YME1L1: variants seen among roughly 807,000 people sequenced by gnomAD.
YME1L1 encodes the protein ATP-dependent zinc metalloprotease YME1L1.
In YME1L1, 39 loss-of-function variants were observed where a neutral mutation model predicts 90.4. The ratio of observed to expected loss-of-function variants is 0.43; its 90% CI spans 0.33 to 0.56. YME1L1 has a LOEUF of 0.56. YME1L1 is among the 20% of genes least tolerant of loss of function. The pLI is 0.03. For synonymous variants in YME1L1, 284 were observed against 287.3 expected, an observed-to-expected ratio of 0.99 and a Z score of 0.12; for missense variants, 617 against 868.4, an observed-to-expected ratio of 0.71 and a Z score of 3.64.
rs1267794476 is a variant in YME1L1, at chr10:27,125,630, T to C, written c.949+1066A>G. Reference sequence around the variant, plus strand: ...ATTTGATAATGGTTTTGTATGTATGTTAAATGTCCTATTTTTTTTTTTTTT... The same window carrying C: ...ATTTGATAATGGTTTTGTATGTATGCTAAATGTCCTATTTTTTTTTTTTTT... On this transcript the variant is annotated intron_variant, in intron 9 of 18. Coordinates refer to ENST00000376016, the MANE Select transcript of YME1L1 (RefSeq NM_014263.4). Among the ~76,000 whole-genome samples the C allele has an allele frequency of 3.4e-5, 5 of 149,168 alleles. No individual in the cohort carries two copies. The East Asian group carries it at 1.0e-3, about 30-fold the overall frequency.
rs1228308297 is a variant in YME1L1 at position 27,148,917 on chromosome 10, G to A, written c.157C>T (p.Pro53Ser). 2 of 1,613,854 alleles carry A rather than the reference G, an allele frequency of 1.2e-6. No homozygotes were observed. The highest frequency in any genetic ancestry group is 3.3e-5 in the Admixed American group (2 of 59,976). The part of the protein sequence containing the change: ...HRDVVPEHEA[P>S]SSEPSLNLRD... ...GGATAAAGACTTACCTCACTGCTGG[G>A]AGCCTCATGCTCAGGAACTACATCT... Residue 53 changes from proline (P) to serine (S), a missense_variant, in exon 2 of 19, where the codon CCC becomes TCC. Coordinates refer to ENST00000376016, the MANE Select transcript of YME1L1 (RefSeq NM_014263.4).
At chr10:27,153,219 T>A (rs961509091) in intron 1 of YME1L1, 1 of 470,928 alleles carries the variant, frequency 2.1e-6, no homozygotes, top group Non-Finnish European at 4.4e-6. Flanking sequence ...CACATTTGCT[T>A]TGCTCACCTG....
At chr10:27,128,592 A>T (rs942710164) in intron 8 of YME1L1, among the ~76,000 whole-genome samples, 1 of 151,682 alleles carries the variant, frequency 6.6e-6, no homozygotes, top group Non-Finnish European at 1.5e-5. Flanking sequence ...CCACCCCCCA[A>T]AAAAAAGAAG....
chr10:27,128,395 C>T (rs1488230536), intron 8 of YME1L1, among the ~76,000 whole-genome samples: 1 of 152,154 alleles, frequency 6.6e-6, no homozygotes, highest in African/African-American at 2.4e-5. Flanking sequence ...TGTCTACTTT[C>T]ACTATGCTTA....
At chr10:27,135,161 T>C (rs2057014893) in intron 5 of YME1L1, among the ~76,000 whole-genome samples, 180 bp from the exon 6 acceptor site, 1 of 152,216 alleles carries the variant, frequency 6.6e-6, no homozygotes, top group Admixed American at 6.5e-5. Flanking sequence ...CTAGATCCCA[T>C]TCCTGCATCA....
chr10:27,136,506 T>C, intron 4 of YME1L1, 121 bp from the exon 5 acceptor site: 3 of 771,242 alleles, frequency 3.9e-6, no homozygotes, highest in South Asian at 1.8e-5. Context: ...GCCTGACACT[T>C]CAATACGTTT....
chr10:27,126,895 C>T (rs935737126), intron 8 of YME1L1, 109 bp from the exon 9 acceptor site: 2 of 633,088 alleles, frequency 3.2e-6, no homozygotes, highest in East Asian at 3.3e-5. Flanking sequence ...TGGAATTAAC[C>T]TGACCTTCTC....
intron 1 of YME1L1, among the ~76,000 whole-genome samples, chr10:27,150,589 G>A (rs1374670943): frequency 2.0e-5 from 3 of 152,152 alleles, no homozygotes; most frequent in Non-Finnish European, 4.4e-5. Context: ...AGAGGAGAGT[G>A]ACTTCTGCTA....
chr10:27,136,480 C>G, intron 4 of YME1L1, 95 bp from the exon 5 acceptor site: 1 of 957,552 alleles, frequency 1.0e-6, no homozygotes, highest in Non-Finnish European at 1.6e-6. Flanking sequence ...CCTGTATATC[C>G]TAGTCTATCT....
At chr10:27,125,474 A>AAAAC (rs1173832402) in intron 9 of YME1L1, among the ~76,000 whole-genome samples, 3 of 151,100 alleles carry the variant, frequency 2.0e-5, no homozygotes, top group Non-Finnish European at 4.4e-5. Context: ...AAAAAAAAAA[A>AAAAC]AAACAATAAA....
intron 12 of YME1L1, among the ~76,000 whole-genome samples, chr10:27,120,891 C>CTAGA (rs1183383535): frequency 1.3e-5 from 2 of 152,116 alleles, no homozygotes; most frequent in Non-Finnish European, 2.9e-5. Context: ...GAATGTTAGA[C>CTAGA]TAGAGTCTTA....
At chr10:27,125,028 T>C (rs1397314541) in intron 9 of YME1L1, among the ~76,000 whole-genome samples, 1 of 152,214 alleles carries the variant, frequency 6.6e-6, no homozygotes, top group African/African-American at 2.4e-5. Context: ...CAAAGGTTAC[T>C]GCAAATAATT....
chr10:27,150,199 GA>G (rs888707586), intron 1 of YME1L1, among the ~76,000 whole-genome samples: 42 of 147,506 alleles, frequency 2.8e-4, no homozygotes, highest in East Asian at 1.4e-3. Context: ...CCTGTCTCAA[GA>G]AAAAAAAAAA....
Position 27,121,230 on chromosome 10 carries a change from C to A in YME1L1, c.1298+156G>T, listed in dbSNP as rs146960985. Reference sequence around the variant, plus strand: ...CCCCATTCTCCCTAACCTCTGGTAACCGCTAACCCAATTTGTCTCTGTGAA... The same window carrying A: ...CCCCATTCTCCCTAACCTCTGGTAAACGCTAACCCAATTTGTCTCTGTGAA... On this transcript the variant is annotated intron_variant, in intron 12 of 18. Transcript: ENST00000376016. 1.4e-3 allele frequency among the ~76,000 whole-genome samples: 219 copies of A among 152,306 alleles called. 1 individual carries two copies. Among genetic ancestry groups the A allele is most frequent in the African/African-American group, 5.1e-3 (211 of 41,578 alleles).
intron 14 of YME1L1, among the ~76,000 whole-genome samples, chr10:27,118,387 T>C (rs999836241): frequency 5.3e-5 from 8 of 151,526 alleles, no homozygotes; most frequent in African/African-American, 2.0e-4. Context: ...ACTTAAGTAA[T>C]CCTCCCACCT....
At position 27,142,473 on chromosome 10, in the gene YME1L1, A is replaced by G; in HGVS notation, c.344T>C (p.Ile115Thr). 6.9e-7 allele frequency: 1 copy of G among 1,453,476 alleles called. No individual in the cohort carries two copies. 90.0% of individuals were successfully genotyped at this position (1,453,476 alleles called of 1,614,324 possible). ...GCAAGAGGAACGTAATGTACTAAAT[A>G]TATCTAAGTTACCTGGAGGGAAATT... Reference protein sequence around the residue: ...FFENKYGNLDIFSTLRSSCLY... With the variant: ...FFENKYGNLDTFSTLRSSCLY... The change falls in exon 4 of 19, where the codon ATA becomes ACA. Residue 115 changes from isoleucine (I) to threonine (T), a missense_variant. By Grantham distance (89) the Ile-to-Thr change is moderately conservative. This residue lies in a region of YME1L1 where 311 missense variants were observed against 335.8 expected (regional missense o/e 0.93). Coordinates refer to ENST00000376016, the MANE Select transcript of YME1L1 (RefSeq NM_014263.4).
chr10:27,145,314 C>G lies in YME1L1; in HGVS notation c.331+114G>C, dbSNP rs1430407090. ...CAAAAAAAAAAACAAAAAAAAAACA[C>G]TTCAGGAAAGAACCCAGCCCACAAT... On this transcript the variant is annotated intron_variant, in intron 3 of 18. Transcript: ENST00000376016. 4 of 720,216 alleles carry G rather than the reference C, an allele frequency of 5.6e-6. No individual in the cohort carries two copies. The East Asian group carries it at 1.6e-4, about 28-fold the overall frequency. The allele number at this position is 720,216 out of a possible 1,614,324, so 44.6% of individuals were successfully genotyped here.
chr10:27,113,251 A>T (rs888182245), intron 18 of YME1L1, among the ~76,000 whole-genome samples: 21 of 96,996 alleles, frequency 2.2e-4, no homozygotes, highest in East Asian at 1.6e-3. Flanking sequence ...AAAAAAAAAA[A>T]AAAAAAAAAA....
chr10:27,112,715 CTATTT>C (rs1554802874), intron 18 of YME1L1, among the ~76,000 whole-genome samples: 4 of 151,926 alleles, frequency 2.6e-5, no homozygotes, highest in Non-Finnish European at 5.9e-5. Context: ...CTCTCTCTCT[CTATTT>C]TTTTTTCAGT....
Sources: allele counts gnomAD v4.1 joint callset (sites outside exome capture counted in the v4.1 genomes callset), GRCh38; gene constraint gnomAD v4.1.1; regional missense constraint gnomAD v4.1.1; transcripts MANE v1.5; gene names NCBI Gene and HGNC (gene_info 2026-07-23, HGNC 2026-07-21).